The following LAMB3 variants were observed in gnomAD, a reference collection of about 807,000 sequenced individuals.
LAMB3 encodes laminin subunit beta 3.
A neutral mutation model predicts 140.3 loss-of-function variants in LAMB3; 104 were observed. That is an observed-to-expected ratio of 0.74 (90% confidence interval 0.63 to 0.87). The LOEUF (loss-of-function observed/expected upper bound fraction) is 0.87, where lower values mean the gene tolerates loss of function less well. LAMB3 is among the 40% of genes least tolerant of loss of function. The probability of loss-of-function intolerance (pLI) is 0.00; values close to 1 mark genes in which losing one functional copy is unlikely to be tolerated. For missense variants in LAMB3, 1,531 were observed against 1,575.2 expected, an observed-to-expected ratio of 0.97 and a Z score of 0.47; for synonymous variants, 592 against 602.9, an observed-to-expected ratio of 0.98 and a Z score of 0.26.
At chr1:209,629,600 AC>A in intron 10 of LAMB3, 136 bp downstream of exon 10, 1 of 786,262 alleles carries the variant, frequency 1.3e-6, no homozygotes, top group Non-Finnish European at 2.2e-6. Context: ...ATAATCTCCC[AC>A]AAATCCTGAC....
In LAMB3 at chr1:209,622,916, T is replaced by C; in HGVS notation, c.2556+66A>G. 8 of 1,571,008 alleles carry C rather than the reference T, an allele frequency of 5.1e-6. No homozygotes were observed. In the South Asian group the frequency reaches 6.7e-5, roughly 13 times the overall value. Reference sequence around the variant, plus strand: ...TTTAGTGTAAAATGGGAACTCTGACTTGCCCGGGGGATCTATCCTGTCTGC... The same window carrying C: ...TTTAGTGTAAAATGGGAACTCTGACCTGCCCGGGGGATCTATCCTGTCTGC... On this transcript the variant is annotated intron_variant, in intron 17 of 22. Transcript: ENST00000356082.
chr1:209,625,002 T>G (rs1279122168), intron 14 of LAMB3, among the ~76,000 whole-genome samples: 1 of 151,290 alleles, frequency 6.6e-6, no homozygotes, highest in Non-Finnish European at 1.5e-5. Flanking sequence ...GGTAGGTTGG[T>G]TTTCAATATT....
chr1:209,637,997 A>G lies in LAMB3; in HGVS notation c.299-16T>C. 1 of 1,606,140 alleles carries G rather than the reference A, an allele frequency of 6.2e-7. No homozygotes were observed. Among genetic ancestry groups the G allele is most frequent in the South Asian group, 1.1e-5 (1 of 90,256 alleles). ...GGGTTCACATCTGGAAGGACAAAAA[A>G]TAGAAACTGTCATCCAGAGACTGTC... is the stretch of plus-strand genomic sequence containing the variant. On this transcript the variant is annotated splice_polypyrimidine_tract_variant and intron_variant, in intron 4 of 22. Transcript: ENST00000356082.
intron 3 of LAMB3, among the ~76,000 whole-genome samples, chr1:209,641,101 T>TA (rs57763866): frequency 0.35 from 45,856 of 130,038 alleles, 9,476 homozygotes; most frequent in Middle Eastern, 0.52. Context: ...AAAAAAAATT[T>TA]AAAAAAAAAA....
chr1:209,637,895 C>T lies in LAMB3; in HGVS notation c.372+13G>A. On this transcript the variant is annotated intron_variant, in intron 5 of 22. Transcript: ENST00000356082. ...GCCCCTCTCCTATCCACTGCCACCC[C>T]CAGGAGGCACACCTGGAACTCCATC... The T allele has an allele frequency of 6.2e-7, 1 of 1,605,868 alleles. No individual in the cohort carries two copies. The highest frequency in any genetic ancestry group is 8.5e-7 in the Non-Finnish European group (1 of 1,174,302).
At chr1:209,621,739 T>C (rs1344447071) in intron 18 of LAMB3, among the ~76,000 whole-genome samples, 4 of 152,176 alleles carry the variant, frequency 2.6e-5, no homozygotes, top group Non-Finnish European at 5.9e-5. Context: ...GGGTCCTGTT[T>C]AGGGATCTTT....
intron 8 of LAMB3, among the ~76,000 whole-genome samples, chr1:209,630,989 C>T (rs1666668779): frequency 6.6e-6 from 1 of 152,218 alleles, no homozygotes; most frequent in African/African-American, 2.4e-5. Flanking sequence ...GAGGTTTTTG[C>T]AAGCTCGCTG....
chr1:209,623,112 T>C lies in LAMB3; in HGVS notation c.2426A>G (p.Asp809Gly), dbSNP rs1352087345. Reference sequence around the variant, plus strand: ...GCGGGAGCCACAGGCTGTGCCATTGTCTTGGGGACATAGCTCACCAGGGCA... The same window carrying C: ...GCGGGAGCCACAGGCTGTGCCATTGCCTTGGGGACATAGCTCACCAGGGCA... ...ISCPGELCPQ[D>G]NGTACGSRCR... Residue 809 changes from aspartate to glycine, a missense_variant, in exon 17 of 23, where the codon GAC (aspartate) becomes GGC (glycine). Physicochemically the swap from Asp to Gly is moderately conservative, Grantham distance 94 (BLOSUM62 -1). Coordinates refer to ENST00000356082, the MANE Select transcript of LAMB3 (RefSeq NM_000228.3). The surrounding 1 kb of genome is among the most constrained non-coding windows in gnomAD (Gnocchi z 4.2). 6.2e-7 allele frequency: 1 copy of C among 1,614,076 alleles called. No individual in the cohort carries two copies. Among genetic ancestry groups the C allele is most frequent in the Non-Finnish European group, 8.5e-7 (1 of 1,180,040 alleles).
At chr1:209,629,973 A>G (rs1666620544) in intron 9 of LAMB3, 48 bp from the exon 10 acceptor site, 1 of 1,565,276 alleles carries the variant, frequency 6.4e-7, no homozygotes, top group African/African-American at 1.4e-5. Context: ...CACCTTTGCT[A>G]TCTACAGAGC....
At chr1:209,648,736 T>G (rs1353612048) in intron 3 of LAMB3, among the ~76,000 whole-genome samples, 1 of 151,940 alleles carries the variant, frequency 6.6e-6, no homozygotes, top group Non-Finnish European at 1.5e-5. Flanking sequence ...CCTCCCAAAA[T>G]GCAAGTCAGC....
intron 3 of LAMB3, among the ~76,000 whole-genome samples, chr1:209,645,215 G>C (rs1382638024): frequency 6.6e-6 from 1 of 152,056 alleles, no homozygotes; most frequent in African/African-American, 2.4e-5. Flanking sequence ...GGGTCTCGTG[G>C]GTCCCTTTGC....
chr1:209,615,598 C>T (rs1665928786), intron 22 of LAMB3, among the ~76,000 whole-genome samples, 191 bp from the exon 23 acceptor site: 1 of 152,210 alleles, frequency 6.6e-6, no homozygotes, highest in Non-Finnish European at 1.5e-5. Context: ...TGCTTAGTAA[C>T]CTGGCAGGGG....
At position 209,640,739 on chromosome 1, in the gene LAMB3, G is replaced by A. The variant is rs116012681; in HGVS notation, c.184-2091C>T. Among the ~76,000 whole-genome samples the A allele has an allele frequency of 5.5e-3, 840 of 151,980 alleles. 6 individuals carry two copies. The highest frequency in any genetic ancestry group is 0.019 in the African/African-American group (782 of 41,424). On this transcript the variant is annotated intron_variant, in intron 3 of 22. Coordinates refer to ENST00000356082, the MANE Select transcript of LAMB3 (RefSeq NM_000228.3). ...CTCTTCTAGAATGCATACTCCATGAGGGCAGGAATTTGCATTCCTTCACTG... is the reference window on the plus strand; with the variant it reads ...CTCTTCTAGAATGCATACTCCATGAAGGCAGGAATTTGCATTCCTTCACTG...
rs1348143450 is a variant in LAMB3, at chr1:209,623,245, C to A, written c.2359-66G>T. 4.0e-6 allele frequency: 6 copies of A among 1,503,518 alleles called. No homozygotes were observed. The highest frequency in any genetic ancestry group is 5.5e-6 in the Non-Finnish European group (6 of 1,086,504). 93.1% of individuals were successfully genotyped at this position (1,503,518 alleles called of 1,614,324 possible). ...CCTCAATAACCAATCCCACCCCACA[C>A]CTGGGAAACCAACAGCCAGACATCT... On this transcript the variant is annotated intron_variant, in intron 16 of 22. Coordinates refer to ENST00000356082, the MANE Select transcript of LAMB3 (RefSeq NM_000228.3). This position sits in a 1 kb window ranked among gnomAD's most constrained non-coding sequence, Gnocchi z 4.2.
At position 209,627,501 on chromosome 1, in the gene LAMB3, TTG is replaced by T. The variant is rs769967565; in HGVS notation, c.1365_1366del (p.Asn456ArgfsTer7). The T allele has an allele frequency of 1.4e-5, 23 of 1,613,916 alleles. No individual in the cohort carries two copies. The highest frequency in any genetic ancestry group is 1.9e-5 in the Non-Finnish European group (23 of 1,180,018). Reference sequence around the variant, plus strand: ...CTGGTCACATTTGGGACCCACCACGTTGGGCAGACAAAGGCAGCGCCCACTCT... The same window carrying T: ...CTGGTCACATTTGGGACCCACCACGTGGCAGACAAAGGCAGCGCCCACTCT... On this transcript the variant is annotated frameshift_variant, in exon 12 of 23. Transcript: ENST00000356082. LOFTEE classifies it high-confidence loss of function.
At chr1:209,617,636 G>C in intron 20 of LAMB3, 50 bp from the exon 21 acceptor site, 1 of 1,603,926 alleles carries the variant, frequency 6.2e-7, no homozygotes, top group Non-Finnish European at 8.5e-7. Flanking sequence ...TCATAGGTCG[G>C]GGGGTTCATC....
intron 7 of LAMB3, 51 bp downstream of exon 7, chr1:209,633,019 G>A: frequency 7.2e-7 from 1 of 1,393,970 alleles, no homozygotes; most frequent in Non-Finnish European, 1.0e-6. Flanking sequence ...CTCCAACTCT[G>A]TTTCCTTTCC....
chr1:209,647,322 C>A (rs145322870), intron 3 of LAMB3, among the ~76,000 whole-genome samples: 4 of 152,336 alleles, frequency 2.6e-5, no homozygotes, highest in African/African-American at 7.2e-5. Flanking sequence ...CTAGGAGAGA[C>A]AATTTTGGAA....
Position 209,634,567 on chromosome 1 carries a change from G to T in LAMB3, c.444C>A (p.Tyr148Ter). ...DFGKTWRVYQYLAADCTSTFP... is the reference protein window; with the variant it reads ...DFGKTWRVYQ ...AGGTGGAGGTGCAGTCGGCAGCCAG[G>T]TACTGGTACACTCGCCAGGTCTTAC... Residue 148 changes from tyrosine to a stop codon, truncating the protein, a stop_gained, in exon 6 of 23, where the codon TAC becomes TAA. Coordinates refer to ENST00000356082, the MANE Select transcript of LAMB3 (RefSeq NM_000228.3). LOFTEE classifies it high-confidence loss of function. 6.2e-7 allele frequency: 1 copy of T among 1,614,134 alleles called. No homozygotes were observed. Among genetic ancestry groups the T allele is most frequent in the Non-Finnish European group, 8.5e-7 (1 of 1,180,020 alleles).
Sources: gnomAD v4.1 joint callset for allele counts (sites outside exome capture counted in the v4.1 genomes callset) on GRCh38, gnomAD v4.1.1 for gene constraint, Gnocchi (gnomAD v3.1) non-coding constraint, MANE v1.5 for transcripts, NCBI Gene and HGNC (gene_info 2026-07-23, HGNC 2026-07-21) for gene names.